GLRB: variants seen among roughly 807,000 people sequenced by gnomAD.
The protein encoded by GLRB is glycine receptor beta.
A neutral mutation model predicts 54.2 loss-of-function variants in GLRB; 33 were observed. The ratio of observed to expected loss-of-function variants is 0.61; its 90% CI spans 0.46 to 0.81. The LOEUF is 0.81. Among genes scored for constraint, GLRB ranks in the 40% least tolerant of loss-of-function variants. The pLI is 0.00. For synonymous variants in GLRB, 209 were observed against 208.2 expected (o/e 1.00, Z -0.03); for missense variants, 572 against 584.6 (o/e 0.98, Z 0.22).
chr4:157,168,006 G>A (rs1366291868), intron 9 of GLRB, among the ~76,000 whole-genome samples: 1 of 152,064 alleles, frequency 6.6e-6, no homozygotes, highest in African/African-American at 2.4e-5. Flanking sequence ...GAGGGATCTG[G>A]CCCCGTGACC....
At chr4:157,090,813 A>G (rs754422706) in intron 2 of GLRB, among the ~76,000 whole-genome samples, 10 of 152,100 alleles carry the variant, frequency 6.6e-5, no homozygotes, top group Non-Finnish European at 1.5e-4. Flanking sequence ...ATCTAATATC[A>G]CTTATGATCT....
chr4:157,113,765 C>A (rs1430003430), intron 2 of GLRB, among the ~76,000 whole-genome samples: 2 of 151,800 alleles, frequency 1.3e-5, no homozygotes, highest in Non-Finnish European at 2.9e-5. Flanking sequence ...TGACTCTTGG[C>A]CCATAATAAC....
intron 4 of GLRB, among the ~76,000 whole-genome samples, chr4:157,132,078 G>A (rs1196468525): frequency 7.3e-5 from 11 of 151,712 alleles, no homozygotes; most frequent in African/African-American, 2.7e-4. Flanking sequence ...TTTTGTCAGT[G>A]TTCTGGATTT....
At chr4:157,098,621 T>C (rs1734901120) in intron 2 of GLRB, among the ~76,000 whole-genome samples, 1 of 152,076 alleles carries the variant, frequency 6.6e-6, no homozygotes, top group Non-Finnish European at 1.5e-5. Flanking sequence ...CTTTTCTTTT[T>C]TTTTGAGATG....
chr4:157,132,815 C>T (rs766480768), intron 4 of GLRB, among the ~76,000 whole-genome samples: 13 of 151,880 alleles, frequency 8.6e-5, no homozygotes, highest in African/African-American at 1.2e-4. Flanking sequence ...AAATAAGCCT[C>T]TTTAATCACT....
intron 2 of GLRB, among the ~76,000 whole-genome samples, chr4:157,105,493 C>T (rs898985111): frequency 1.3e-5 from 2 of 152,020 alleles, no homozygotes; most frequent in Non-Finnish European, 2.9e-5. Context: ...TGTAGTTCTT[C>T]TGCTGTTGGA....
intron 3 of GLRB, among the ~76,000 whole-genome samples, chr4:157,121,947 C>CA (rs917734894): frequency 1.3e-5 from 2 of 150,506 alleles, no homozygotes; most frequent in African/African-American, 2.4e-5. Flanking sequence ...TAGAAAAATG[C>CA]AAAAAAATGA....
In GLRB at chr4:157,152,889, G is replaced by T; in HGVS notation, c.1076G>T (p.Arg359Met). 1 of 1,614,066 alleles carries T rather than the reference G, an allele frequency of 6.2e-7. No homozygotes were observed. The highest frequency in any genetic ancestry group is 1.6e-4 in the Middle Eastern group (1 of 6,062). Residue 359 changes from arginine to methionine, a missense_variant, in exon 9 of 10, where the codon AGG (arginine) becomes ATG (methionine). Physicochemically the swap from Arg to Met is moderately conservative, Grantham distance 91 (BLOSUM62 -1). Coordinates refer to ENST00000264428, the MANE Select transcript of GLRB (RefSeq NM_000824.5). ...CAGGTGATGCTGAACAACCCCAAAA[G>T]GGTTGAAGCTGAAAAAGCCAGAATT... Reference protein sequence around the residue: ...VVQVMLNNPKRVEAEKARIAK... With the variant: ...VVQVMLNNPKMVEAEKARIAK...
intron 9 of GLRB, among the ~76,000 whole-genome samples, chr4:157,166,517 C>G (rs1244903731): frequency 6.6e-6 from 1 of 151,930 alleles, no homozygotes; most frequent in Non-Finnish European, 1.5e-5. Flanking sequence ...ACTTAATGAA[C>G]CATGACCTAT....
At chr4:157,143,019 C>T (rs1423274614) in intron 7 of GLRB, among the ~76,000 whole-genome samples, 2 of 152,048 alleles carry the variant, frequency 1.3e-5, no homozygotes, top group East Asian at 1.9e-4. Context: ...GCGGCAAAGG[C>T]TATTGTGAGG....
intron 2 of GLRB, among the ~76,000 whole-genome samples, chr4:157,112,334 A>G (rs1026742364): frequency 6.6e-6 from 1 of 152,004 alleles, no homozygotes; most frequent in Non-Finnish European, 1.5e-5. Context: ...TATCAGAATA[A>G]AGATCATGTA....
At chr4:157,127,248 A>G (rs1180568256) in intron 4 of GLRB, among the ~76,000 whole-genome samples, 1 of 151,856 alleles carries the variant, frequency 6.6e-6, no homozygotes, top group East Asian at 1.9e-4. Context: ...CATGTACTAT[A>G]GAATAATAGA....
At chr4:157,115,949 C>T (rs897582067) in intron 2 of GLRB, among the ~76,000 whole-genome samples, 7 of 151,636 alleles carry the variant, frequency 4.6e-5, no homozygotes, top group African/African-American at 1.5e-4. Context: ...AAAACAATTC[C>T]TTTAGACTCA....
At chr4:157,169,408 T>G (rs986787167) in intron 9 of GLRB, among the ~76,000 whole-genome samples, 1 of 152,212 alleles carries the variant, frequency 6.6e-6, no homozygotes, top group East Asian at 1.9e-4. Context: ...CTAAGAGCAT[T>G]TTGATTACTA....
intron 6 of GLRB, 34 bp downstream of exon 6, chr4:157,136,920 T>A: frequency 7.8e-7 from 1 of 1,284,790 alleles, no homozygotes; most frequent in Non-Finnish European, 1.1e-6. Context: ...ATTATGAAAA[T>A]AAAGTGTTTA....
intron 7 of GLRB, among the ~76,000 whole-genome samples, chr4:157,140,080 A>G (rs1451557406): frequency 6.6e-6 from 1 of 152,036 alleles, no homozygotes; most frequent in Non-Finnish European, 1.5e-5. Flanking sequence ...ACATTAGCAA[A>G]TGATATAACT....
chr4:157,136,491 T>G lies in GLRB; in HGVS notation c.320T>G (p.Leu107Arg). The G allele has an allele frequency of 1.2e-6, 2 of 1,607,634 alleles. No individual in the cohort carries two copies. Among genetic ancestry groups the G allele is most frequent in the Non-Finnish European group, 1.7e-6 (2 of 1,174,162 alleles). ...CAGGACTATAGAGTTAACATCTTCC[T>G]GAGACAAAAATGGAATGACCCCAGG... ...TTMDYRVNIF[L>R]RQKWNDPRLK... The change falls in exon 5 of 10, where the codon CTG (leucine) becomes CGG (arginine). Residue 107 changes from leucine to arginine, a missense_variant. Physicochemically the swap from Leu to Arg is moderately radical, Grantham distance 102 (BLOSUM62 -2). Transcript: ENST00000264428.
chr4:157,103,939 T>TTGTGTGTG (rs34144061), intron 2 of GLRB, among the ~76,000 whole-genome samples: 3 of 148,632 alleles, frequency 2.0e-5, no homozygotes, highest in African/African-American at 7.4e-5. Context: ...GTGTGTGTGT[T>TTGTGTGTG]TGTGTGTGTG....
At chr4:157,090,301 T>C (rs79317272) in intron 2 of GLRB, among the ~76,000 whole-genome samples, 2,127 of 152,318 alleles carry the variant, frequency 0.014, 61 homozygotes, top group African/African-American at 0.048. Flanking sequence ...GAATAACTTA[T>C]TTTTATGAAA....
Sources: allele counts gnomAD v4.1 joint callset (sites outside exome capture counted in the v4.1 genomes callset), GRCh38; gene constraint gnomAD v4.1.1; transcripts MANE v1.5; gene names NCBI Gene and HGNC (gene_info 2026-07-23, HGNC 2026-07-21).